AGBL1: variants seen among roughly 807,000 people sequenced by gnomAD.
The protein encoded by AGBL1 is cytosolic carboxypeptidase 4.
AGBL1 carries 130 observed loss-of-function variants against 118.9 expected under a neutral mutation model. The observed-to-expected ratio is 1.09, with a 90% CI of 0.95 to 1.26. AGBL1 has a LOEUF of 1.26. AGBL1 is among the 50% of genes most tolerant of loss of function. The probability of loss-of-function intolerance (pLI) is 0.00; values close to 1 mark genes in which losing one functional copy is unlikely to be tolerated. For missense variants in AGBL1, 1,584 were observed against 1,298.1 expected (o/e 1.22, Z -3.38); for synonymous variants, 555 against 478.9 (o/e 1.16, Z -2.08).
chr15:86,999,017 C>T (rs2081407374), intron 24 of AGBL1, among the ~76,000 whole-genome samples: 1 of 151,020 alleles, frequency 6.6e-6, no homozygotes, highest in South Asian at 2.1e-4. Flanking sequence ...TCCCCCACCC[C>T]ATAGCAGGCC....
chr15:86,339,952 G>A lies in AGBL1; in HGVS notation c.2374+44544G>A, dbSNP rs1281040327. Among the ~76,000 whole-genome samples, 10 of 151,500 alleles carry A rather than the reference G, an allele frequency of 6.6e-5. No individual in the cohort carries two copies. In the South Asian group the frequency reaches 1.0e-3, roughly 16 times the overall value. On this transcript the variant is annotated intron_variant, in intron 17 of 22. Transcript: ENST00000614907. ...CTGCCCTCCAGCCTGGCGACAGGGC[G>A]GGACTCCATCTCAAAAAAAAAAAAA...
At chr15:86,663,935 C>T (rs1309095198) in intron 21 of AGBL1, among the ~76,000 whole-genome samples, 1 of 152,096 alleles carries the variant, frequency 6.6e-6, no homozygotes, top group African/African-American at 2.4e-5. Flanking sequence ...CTGTATGCAT[C>T]CTCTAGAAAA....
chr15:86,298,949 G>A (rs1285951713), intron 17 of AGBL1, among the ~76,000 whole-genome samples: 1 of 152,194 alleles, frequency 6.6e-6, no homozygotes, highest in East Asian at 1.9e-4. Flanking sequence ...CCCAGGGTCT[G>A]AGCTCCAGAG....
intron 22 of AGBL1, among the ~76,000 whole-genome samples, chr15:86,733,241 G>T (rs1390552178): frequency 6.6e-6 from 1 of 152,012 alleles, no homozygotes. Flanking sequence ...TAAGGGGTGG[G>T]GGTAGAGCTT....
chr15:87,020,383 A>G (rs1276172025), intron 24 of AGBL1, among the ~76,000 whole-genome samples: 1 of 152,138 alleles, frequency 6.6e-6, no homozygotes, highest in Non-Finnish European at 1.5e-5. Context: ...TAACCAACCC[A>G]CAGCCAATAT....
At chr15:86,989,444 C>A (rs1338774571) in intron 24 of AGBL1, among the ~76,000 whole-genome samples, 2 of 151,966 alleles carry the variant, frequency 1.3e-5, no homozygotes, top group Non-Finnish European at 2.9e-5. Context: ...TAAATAATTG[C>A]TAAATTTTTT....
At chr15:86,859,583 T>C (rs2079532095) in intron 22 of AGBL1, among the ~76,000 whole-genome samples, 1 of 152,192 alleles carries the variant, frequency 6.6e-6, no homozygotes, top group African/African-American at 2.4e-5. Context: ...CTTTTAGTTT[T>C]GGTAAGGCAT....
rs184247555 is a variant in AGBL1 at position 86,268,951 on chromosome 15, G to A, written c.1839-968G>A. Among the ~76,000 whole-genome samples the A allele has an allele frequency of 3.6e-3, 551 of 152,296 alleles. 5 individuals carry two copies. Among genetic ancestry groups the A allele is most frequent in the African/African-American group, 0.013 (532 of 41,556 alleles). Reference sequence around the variant, plus strand: ...AGCAATGCAAAGAGAATACCAAGAGGATGGAGCAACATTTTTAAAAATGAA... The same window carrying A: ...AGCAATGCAAAGAGAATACCAAGAGAATGGAGCAACATTTTTAAAAATGAA... On this transcript the variant is annotated intron_variant, in intron 13 of 22. Transcript: ENST00000614907.
chr15:86,755,753 C>G lies in AGBL1; in HGVS notation c.3158+81317C>G, dbSNP rs1026526889. The stretch of plus-strand genomic sequence containing the variant: ...GTGAGTGCTTTCATTTTAGTTCTTC[C>G]CAGCTATTCTTTCCTATTAGACAAG... On this transcript the variant is annotated intron_variant, in intron 22 of 22. Transcript: ENST00000614907. 2.0e-5 allele frequency among the ~76,000 whole-genome samples: 3 copies of G among 152,166 alleles called. No individual in the cohort carries two copies. The East Asian group carries it at 5.8e-4, about 29-fold the overall frequency.
chr15:86,516,371 G>A (rs901255528), intron 18 of AGBL1, among the ~76,000 whole-genome samples: 1 of 152,148 alleles, frequency 6.6e-6, no homozygotes, highest in Non-Finnish European at 1.5e-5. Context: ...TGATCTTGAG[G>A]TCTCGAGATA....
chr15:86,656,528 C>T (rs1376060059), intron 21 of AGBL1, among the ~76,000 whole-genome samples: 1 of 152,154 alleles, frequency 6.6e-6, no homozygotes, highest in African/African-American at 2.4e-5. Flanking sequence ...GAATGTCTAG[C>T]AGGCCTCTGT....
intron 22 of AGBL1, among the ~76,000 whole-genome samples, chr15:86,859,230 C>T (rs1456862056): frequency 2.0e-5 from 3 of 152,296 alleles, no homozygotes; most frequent in Middle Eastern, 3.4e-3. Context: ...AACTGATCAC[C>T]CTGGATGCCA....
chr15:86,259,188 A>G (rs2078944478), intron 9 of AGBL1, among the ~76,000 whole-genome samples: 1 of 152,188 alleles, frequency 6.6e-6, no homozygotes. Context: ...ACTGGATATC[A>G]GTAGTACCTA....
intron 21 of AGBL1, among the ~76,000 whole-genome samples, chr15:86,646,327 A>C: frequency 6.6e-6 from 1 of 152,102 alleles, no homozygotes; most frequent in Non-Finnish European, 1.5e-5. Context: ...TGTTAATTTC[A>C]GTTTAGTGGC....
chr15:86,540,988 A>C (rs1025812421), intron 19 of AGBL1, among the ~76,000 whole-genome samples: 1 of 152,136 alleles, frequency 6.6e-6, no homozygotes, highest in Non-Finnish European at 1.5e-5. Flanking sequence ...CTCCAGTTGA[A>C]TTTAGTATTT....
intron 22 of AGBL1, among the ~76,000 whole-genome samples, chr15:86,800,960 A>G (rs2078640696): frequency 6.6e-6 from 1 of 152,164 alleles, no homozygotes; most frequent in Non-Finnish European, 1.5e-5. Context: ...AATATCAACT[A>G]AAGATTAGTG....
At chr15:86,257,487 G>T (rs1394200068) in intron 8 of AGBL1, among the ~76,000 whole-genome samples, 3 of 152,114 alleles carry the variant, frequency 2.0e-5, no homozygotes, top group Admixed American at 1.3e-4. Context: ...ATCCTAGTAC[G>T]AACAGATTTT....
intron 22 of AGBL1, among the ~76,000 whole-genome samples, chr15:86,899,107 G>A (rs1596609616): frequency 6.6e-6 from 1 of 152,070 alleles, no homozygotes; most frequent in Non-Finnish European, 1.5e-5. Flanking sequence ...ATTGCAGCAC[G>A]ATACACAATA....
intron 6 of AGBL1, among the ~76,000 whole-genome samples, chr15:86,245,168 A>G (rs983820218): frequency 1.3e-5 from 2 of 152,200 alleles, no homozygotes; most frequent in Middle Eastern, 3.2e-3. Context: ...AAACAAGCAG[A>G]AAAAAAGAGA....
Sources: allele counts gnomAD v4.1 joint callset (sites outside exome capture counted in the v4.1 genomes callset), GRCh38; gene constraint gnomAD v4.1.1; transcripts MANE v1.5; gene names NCBI Gene and HGNC (gene_info 2026-07-23, HGNC 2026-07-21).